CASR: variants seen among roughly 807,000 people sequenced by gnomAD.
The protein encoded by CASR is calcium sensing receptor, also known as extracellular calcium-sensing receptor.
In CASR, 23 loss-of-function variants were observed where a neutral mutation model predicts 69.1. The ratio of observed to expected loss-of-function variants is 0.33; its 90% CI spans 0.24 to 0.47. CASR has a LOEUF of 0.47. Ranked by LOEUF, CASR falls within the 20% of genes least tolerant of loss-of-function variation. The pLI is 1.00. For missense variants in CASR, 924 were observed against 1,356.1 expected (o/e 0.68, Z 5.00); for synonymous variants, 541 against 544.7 (o/e 0.99, Z 0.10).
chr3:122,244,237 A>G (rs1000555192), intron 1 of CASR, among the ~76,000 whole-genome samples: 1 of 152,166 alleles, frequency 6.6e-6, no homozygotes, highest in African/African-American at 2.4e-5. Flanking sequence ...TACCCCATTT[A>G]CCATGATGTA....
At position 122,195,740 on chromosome 3, in the gene CASR, G is replaced by C. The variant is rs566370058; in HGVS notation, c.-243+11928G>C. On this transcript the variant is annotated intron_variant, in intron 1 of 6. Transcript: ENST00000639785. Reference sequence around the variant, plus strand: ...TATGAGGTCTCATGGCCAGTAAGTGGAACAACCTAGATTCAAAATCAGTTC... The same window carrying C: ...TATGAGGTCTCATGGCCAGTAAGTGCAACAACCTAGATTCAAAATCAGTTC... Among the ~76,000 whole-genome samples, 13 of 152,220 alleles carry C rather than the reference G, an allele frequency of 8.5e-5. 1 individual carries two copies. The South Asian group carries it at 2.7e-3, about 32-fold the overall frequency.
chr3:122,252,455 A>AAAGAAAGAAAGAAAG (rs879317403), intron 1 of CASR, among the ~76,000 whole-genome samples: 10 of 100,712 alleles, frequency 9.9e-5, no homozygotes, highest in African/African-American at 3.6e-4. Flanking sequence ...GAAAAAAAAG[A>AAAGAAAGAAAGAAAG]AAAGAAAGAA....
At chr3:122,234,354 T>G (rs1466807650) in intron 1 of CASR, among the ~76,000 whole-genome samples, 1 of 152,222 alleles carries the variant, frequency 6.6e-6, no homozygotes, top group Non-Finnish European at 1.5e-5. Context: ...ACACCAGATT[T>G]GGCCCATGGA....
rs1309620055 is a variant in CASR, at chr3:122,284,839, G to A, written c.2885G>A (p.Cys962Tyr). Residue 962 changes from cysteine to tyrosine, a missense_variant, in exon 7 of 7, where the codon TGC (cysteine) becomes TAC (tyrosine). Physicochemically the swap from Cys to Tyr is radical, Grantham distance 194. Around this residue, in one of 8 missense-constraint regions of CASR, gnomAD observed 201 missense variants for 228.8 expected, o/e 0.88. Transcript: ENST00000639785. ...CAACGATCTCAGCAGCAGCCCAGATGCAAGCAGAAGGTCATCTTTGGCAGC... is the reference window on the plus strand; with the variant it reads ...CAACGATCTCAGCAGCAGCCCAGATACAAGCAGAAGGTCATCTTTGGCAGC... ...QQQRSQQQPR[C>Y]KQKVIFGSGT... The A allele has an allele frequency of 2.5e-6, 4 of 1,614,070 alleles. No homozygotes were observed. Among genetic ancestry groups the A allele is most frequent in the Non-Finnish European group, 3.4e-6 (4 of 1,180,044 alleles).
At chr3:122,220,821 A>G (rs13075600) in intron 1 of CASR, among the ~76,000 whole-genome samples, 6,566 of 152,222 alleles carry the variant, frequency 0.043, 361 homozygotes, top group East Asian at 0.32. Flanking sequence ...TAAAAATACA[A>G]AAATTAGCTG....
chr3:122,265,592 C>A (rs1178838066), intron 4 of CASR, among the ~76,000 whole-genome samples: 1 of 152,226 alleles, frequency 6.6e-6, no homozygotes, highest in Non-Finnish European at 1.5e-5. Context: ...CCTGTCAACA[C>A]TACCTATAGG....
chr3:122,196,946 C>G (rs1642818818), intron 1 of CASR, among the ~76,000 whole-genome samples: 1 of 152,106 alleles, frequency 6.6e-6, no homozygotes, highest in South Asian at 2.1e-4. Flanking sequence ...ACCTCAGTTA[C>G]CTTTTTTTTG....
intron 1 of CASR, among the ~76,000 whole-genome samples, chr3:122,197,448 T>A (rs916659213): frequency 3.3e-5 from 5 of 152,336 alleles, no homozygotes; most frequent in Admixed American, 6.5e-5. Flanking sequence ...TGTACTTTTT[T>A]AAAAATTACA....
At chr3:122,281,091 T>C (rs143044357) in intron 5 of CASR, among the ~76,000 whole-genome samples, 37 of 152,356 alleles carry the variant, frequency 2.4e-4, no homozygotes, top group African/African-American at 8.7e-4. Flanking sequence ...GAAGCAATGA[T>C]AAAATTGAAC....
In CASR at chr3:122,284,870, G is replaced by A. The variant is rs769047966; in HGVS notation, c.2916G>A (p.Thr972=). The A allele has an allele frequency of 4.3e-6, 7 of 1,614,044 alleles. No homozygotes were observed. The highest frequency in any genetic ancestry group is 1.1e-5 in the South Asian group (1 of 91,080). ...CKQKVIFGSG[T]VTFSLSFDEP... ...AGAAGGTCATCTTTGGCAGCGGCAC[G>A]GTCACCTTCTCACTGAGCTTTGATG... Residue 972 remains threonine, a synonymous_variant, in exon 7 of 7, where the codon ACG becomes ACA. Coordinates refer to ENST00000639785, the MANE Select transcript of CASR (RefSeq NM_000388.4).
intron 1 of CASR, among the ~76,000 whole-genome samples, chr3:122,206,881 A>T (rs1387548975): frequency 6.6e-6 from 1 of 152,016 alleles, no homozygotes; most frequent in Non-Finnish European, 1.5e-5. Flanking sequence ...AGCAGTCTCT[A>T]ATGATTCTTT....
intron 1 of CASR, chr3:122,247,086 A>G (rs1294115797): frequency 1.3e-5 from 2 of 152,194 alleles, no homozygotes; most frequent in East Asian, 3.8e-4. Context: ...AAATGCGAGA[A>G]TCTCAGATTA....
chr3:122,219,590 T>G (rs1475635017), intron 1 of CASR, among the ~76,000 whole-genome samples: 1 of 152,200 alleles, frequency 6.6e-6, no homozygotes, highest in East Asian at 1.9e-4. Flanking sequence ...TTTCTATCAG[T>G]GCTGTTTGCC....
At chr3:122,205,051 C>G (rs1452585680) in intron 1 of CASR, among the ~76,000 whole-genome samples, 2 of 151,966 alleles carry the variant, frequency 1.3e-5, no homozygotes, top group African/African-American at 4.8e-5. Flanking sequence ...TTGATTGTTT[C>G]TTTTGCTGTA....
intron 1 of CASR, among the ~76,000 whole-genome samples, chr3:122,188,957 T>C: frequency 6.6e-6 from 1 of 152,244 alleles, no homozygotes; most frequent in East Asian, 1.9e-4. Flanking sequence ...ATAGTGTTTG[T>C]TGAAAAGCTG....
intron 1 of CASR, among the ~76,000 whole-genome samples, chr3:122,221,297 T>A (rs1191758753): frequency 6.6e-6 from 1 of 152,158 alleles, no homozygotes; most frequent in African/African-American, 2.4e-5. Context: ...CCCCCTTCCT[T>A]GGAGAACCAT....
At chr3:122,215,147 G>A (rs560151011) in intron 1 of CASR, among the ~76,000 whole-genome samples, 5 of 152,296 alleles carry the variant, frequency 3.3e-5, no homozygotes, top group South Asian at 2.1e-4. Context: ...CCATGATTAC[G>A]GCCCTCTGCC....
intron 1 of CASR, among the ~76,000 whole-genome samples, chr3:122,189,919 T>C (rs1227177422): frequency 6.6e-6 from 1 of 152,212 alleles, no homozygotes; most frequent in Non-Finnish European, 1.5e-5. Flanking sequence ...TAATTTGACA[T>C]AAGCTTTTAG....
At chr3:122,206,763 GT>G (rs2074011352) in intron 1 of CASR, among the ~76,000 whole-genome samples, 1 of 151,940 alleles carries the variant, frequency 6.6e-6, no homozygotes, top group South Asian at 2.1e-4. Context: ...CTCAATATTG[GT>G]TTATTGAGGT....
Sources: allele counts gnomAD v4.1 joint callset (sites outside exome capture counted in the v4.1 genomes callset), GRCh38; gene constraint gnomAD v4.1.1; regional missense constraint gnomAD v4.1.1; transcripts MANE v1.5; gene names NCBI Gene and HGNC (gene_info 2026-07-23, HGNC 2026-07-21).